The following TNKS2 variants were observed in gnomAD, a reference collection of about 807,000 sequenced individuals.
TNKS2 encodes the protein poly [ADP-ribose] polymerase tankyrase-2.
In TNKS2, 72 loss-of-function variants were observed where a neutral mutation model predicts 137.6. That is an observed-to-expected ratio of 0.52 (90% CI 0.43 to 0.64). The LOEUF (loss-of-function observed/expected upper bound fraction) is 0.64. TNKS2 is among the 30% of genes least tolerant of loss of function. The pLI, the probability that TNKS2 is intolerant of heterozygous loss-of-function variation, is 0.00. For missense variants in TNKS2, 1,049 were observed against 1,410.2 expected (o/e 0.74, Z 4.10); for synonymous variants, 516 against 512.1 (o/e 1.01, Z -0.10).
chr10:91,836,811 T>C (rs1053094713), intron 12 of TNKS2, 108 bp from the exon 13 acceptor site: 1 of 1,452,848 alleles, frequency 6.9e-7, no homozygotes, highest in East Asian at 2.5e-5. Flanking sequence ...GTACATAATC[T>C]ACCAAATTGT....
At chr10:91,852,709 A>G (rs1020654803) in intron 21 of TNKS2, among the ~76,000 whole-genome samples, 1 of 152,262 alleles carries the variant, frequency 6.6e-6, no homozygotes, top group Non-Finnish European at 1.5e-5. Context: ...AGAAACCTCC[A>G]TCAGTAAAAA....
At chr10:91,854,818 G>A (rs1441801201) in intron 21 of TNKS2, among the ~76,000 whole-genome samples, 2 of 150,916 alleles carry the variant, frequency 1.3e-5, no homozygotes, top group East Asian at 1.9e-4. Context: ...CAGGAGAATC[G>A]CTTGAACCCA....
intron 22 of TNKS2, 101 bp downstream of exon 22, chr10:91,855,227 T>C (rs1467451342): frequency 2.1e-5 from 16 of 758,326 alleles, no homozygotes; most frequent in Non-Finnish European, 3.3e-5. Flanking sequence ...TATATAATTT[T>C]CACCTATAAA....
intron 22 of TNKS2, 103 bp from the exon 23 acceptor site, chr10:91,855,511 G>A (rs1319840970): frequency 7.6e-6 from 7 of 919,072 alleles, no homozygotes; most frequent in Admixed American, 5.8e-5. Context: ...AACCTGTTTT[G>A]TATTCTCAAA....
In TNKS2 at chr10:91,862,889, T is replaced by C. The variant is rs530279359; in HGVS notation, c.3439-48T>C. ...ATACTTCCGGAAAGTCTGTTTATCT[T>C]TCAAGAAAATTTTTGTACCATTATT... is the stretch of plus-strand genomic sequence containing the variant. On this transcript the variant is annotated intron_variant, in intron 26 of 26. Coordinates refer to ENST00000371627, the MANE Select transcript of TNKS2 (RefSeq NM_025235.4). 7 of 1,413,828 alleles carry C rather than the reference T, an allele frequency of 5.0e-6. No individual in the cohort carries two copies. In the Admixed American group the frequency reaches 9.0e-5, roughly 18 times the overall value. 87.6% of individuals were successfully genotyped at this position (1,413,828 alleles called of 1,614,324 possible). A position where few individuals can be genotyped will look rare whatever the true frequency, so the allele number is the denominator to read the frequency against.
chr10:91,804,696 A>G (rs762914885), intron 1 of TNKS2, among the ~76,000 whole-genome samples: 13 of 152,214 alleles, frequency 8.5e-5, no homozygotes, highest in Non-Finnish European at 1.8e-4. Flanking sequence ...ACTATTCTTG[A>G]GACCATAACA....
intron 19 of TNKS2, among the ~76,000 whole-genome samples, 173 bp from the exon 20 acceptor site, chr10:91,849,339 T>G (rs1387671215): frequency 1.3e-5 from 2 of 152,238 alleles, no homozygotes; most frequent in Non-Finnish European, 2.9e-5. Context: ...ATTGATTAGC[T>G]TTTTTCTAAT....
chr10:91,838,991 C>G lies in TNKS2; in HGVS notation c.1528-1570C>G, dbSNP rs535842853. Among the ~76,000 whole-genome samples the G allele has an allele frequency of 3.9e-3, 591 of 152,290 alleles. 6 individuals carry two copies. The highest frequency in any genetic ancestry group is 0.014 in the African/African-American group (564 of 41,558). ...CAAGCAATTCTCTTTCCTCAGCCTCCCGAGTAGCTGGCATTACAGGCGCCC... is the reference window on the plus strand; with the variant it reads ...CAAGCAATTCTCTTTCCTCAGCCTCGCGAGTAGCTGGCATTACAGGCGCCC... On this transcript the variant is annotated intron_variant, in intron 13 of 26. Transcript: ENST00000371627.
At position 91,841,337 on chromosome 10, in the gene TNKS2, A is replaced by C; in HGVS notation, c.1728A>C (p.Glu576Asp). ...ACSYGHYEVA[E>D]LLVKHGAVVN... ...CTTATGGACATTATGAAGTTGCAGAACTTCTTGTTAAACATGGAGCAGTAG... is the reference window on the plus strand; with the variant it reads ...CTTATGGACATTATGAAGTTGCAGACCTTCTTGTTAAACATGGAGCAGTAG... Residue 576 changes from glutamate to aspartate, a missense_variant, in exon 15 of 27, where the codon GAA becomes GAC. Glu to Asp is a conservative substitution (Grantham distance 45). Transcript: ENST00000371627. 1 of 1,604,188 alleles carries C rather than the reference A, an allele frequency of 6.2e-7. No individual in the cohort carries two copies. Among genetic ancestry groups the C allele is most frequent in the Non-Finnish European group, 8.5e-7 (1 of 1,175,274 alleles).
intron 1 of TNKS2, chr10:91,807,398 G>A (rs545896386): frequency 6.1e-5 from 99 of 1,614,040 alleles, no homozygotes; most frequent in Middle Eastern, 3.3e-4. Context: ...AAAGCTTCTC[G>A]GCAGCGCGGC....
Position 91,827,007 on chromosome 10 carries a change from T to C in TNKS2, c.796-10T>C, listed in dbSNP as rs756126175. On this transcript the variant is annotated splice_polypyrimidine_tract_variant and intron_variant, in intron 7 of 26. Transcript: ENST00000371627. The stretch of plus-strand genomic sequence containing the variant: ...AATTGAACATTAAATATATGCTTTT[T>C]GCTCTCCAGCATGGTGCCTGTGTAA... 2.0e-6 allele frequency: 3 copies of C among 1,521,814 alleles called. No individual in the cohort carries two copies. The highest frequency in any genetic ancestry group is 2.6e-6 in the Non-Finnish European group (3 of 1,133,558). The allele number at this position is 1,521,814 out of a possible 1,614,324, so 94.3% of individuals were successfully genotyped here.
chr10:91,819,759 A>G (rs1202196975), intron 5 of TNKS2, among the ~76,000 whole-genome samples, 180 bp from the exon 6 acceptor site: 1 of 152,226 alleles, frequency 6.6e-6, no homozygotes, highest in Non-Finnish European at 1.5e-5. Context: ...TGCAATAGTG[A>G]ATTTATAAAC....
At chr10:91,840,739 C>T (rs778297816) in intron 14 of TNKS2, 33 bp downstream of exon 14, 2 of 1,565,122 alleles carry the variant, frequency 1.3e-6, no homozygotes, top group African/African-American at 1.4e-5. Context: ...GACTCTCTTC[C>T]TTACTTTTAC....
In TNKS2 at chr10:91,830,964, A is replaced by T. The variant is rs61749237; in HGVS notation, c.1146A>T (p.Ile382=). The T allele has an allele frequency of 8.5e-4, 1,369 of 1,612,068 alleles. 5 individuals carry two copies. The highest frequency in any genetic ancestry group is 4.6e-3 in the Middle Eastern group (22 of 4,764). Residue 382 remains isoleucine (I), a synonymous_variant, in exon 10 of 27, where the codon ATA becomes ATT. Coordinates refer to ENST00000371627, the MANE Select transcript of TNKS2 (RefSeq NM_025235.4). Reference sequence around the variant, plus strand: ...CTCCATATCCCAAAAGAAAGCAAATATGTGAACTGTTGCTAAGAAAAGGAG... The same window carrying T: ...CTCCATATCCCAAAAGAAAGCAAATTTGTGAACTGTTGCTAAGAAAAGGAG... ...AASPYPKRKQ[I]CELLLRKGAN...
At chr10:91,844,193 C>T (rs544188447) in intron 16 of TNKS2, among the ~76,000 whole-genome samples, 10 of 152,240 alleles carry the variant, frequency 6.6e-5, no homozygotes, top group African/African-American at 2.2e-4. Context: ...TATTTCTGTC[C>T]ACTTCTGCAG....
At chr10:91,851,691 A>G (rs1564628102) in intron 21 of TNKS2, among the ~76,000 whole-genome samples, 2 of 152,222 alleles carry the variant, frequency 1.3e-5, no homozygotes, top group Non-Finnish European at 2.9e-5. Context: ...TCTTATGGTA[A>G]TATAATAGAT....
Position 91,863,341 on chromosome 10 carries a change from C to G in TNKS2, c.*342C>G. 1 of 179,558 alleles carries G rather than the reference C, an allele frequency of 5.6e-6. No homozygotes were observed. The highest frequency in any genetic ancestry group is 1.2e-5 in the Non-Finnish European group (1 of 85,686). The allele number at this position is 179,558 out of a possible 1,614,324, so 11.1% of individuals were successfully genotyped here. On this transcript the variant is annotated 3_prime_UTR_variant, in exon 27 of 27. Transcript: ENST00000371627. Reference sequence around the variant, plus strand: ...CTCAACAGAACTAATTTTACTAATACAATACTGTGTTCTTTAAAACACAGC... The same window carrying G: ...CTCAACAGAACTAATTTTACTAATAGAATACTGTGTTCTTTAAAACACAGC...
rs78758847 is a variant in TNKS2 at position 91,833,283 on chromosome 10, T to C, written c.1276-570T>C. 7.0e-4 allele frequency among the ~76,000 whole-genome samples: 106 copies of C among 152,338 alleles called. 1 individual carries two copies. Among genetic ancestry groups the C allele is most frequent in the Middle Eastern group, 3.4e-3 (1 of 294 alleles). On this transcript the variant is annotated intron_variant, in intron 11 of 26. Coordinates refer to ENST00000371627, the MANE Select transcript of TNKS2 (RefSeq NM_025235.4). Reference sequence around the variant, plus strand: ...TTGACATACATGGAATCATACAAAATGTACGCTTTTGTGTAAGGCTTTTCC... The same window carrying C: ...TTGACATACATGGAATCATACAAAACGTACGCTTTTGTGTAAGGCTTTTCC...
intron 1 of TNKS2, among the ~76,000 whole-genome samples, chr10:91,804,403 T>G (rs552960264): frequency 8.5e-5 from 13 of 152,212 alleles, no homozygotes; most frequent in Non-Finnish European, 1.5e-4. Flanking sequence ...AGATTCATAC[T>G]CTGTGTATGG....
Sources: gnomAD v4.1 joint callset for allele counts (sites outside exome capture counted in the v4.1 genomes callset) on GRCh38, gnomAD v4.1.1 for gene constraint, MANE v1.5 for transcripts, NCBI Gene and HGNC (gene_info 2026-07-23, HGNC 2026-07-21) for gene names.